Variants in POLR2E observed in about 807,000 individuals in gnomAD.
POLR2E encodes RNA polymerase II, I and III subunit E.
A neutral mutation model predicts 29.8 loss-of-function variants in POLR2E; 35 were observed. That is an observed-to-expected ratio of 1.17 (90% CI 0.90 to 1.55). The LOEUF is 1.55. Among genes scored for constraint, POLR2E ranks in the 40% most tolerant of loss-of-function variants. The probability of loss-of-function intolerance (pLI) is 0.00; values close to 1 mark genes in which losing one functional copy is unlikely to be tolerated. For synonymous variants in POLR2E, 174 were observed against 112.6 expected, an observed-to-expected ratio of 1.55 and a Z score of -3.45; for missense variants, 287 against 288.6, an observed-to-expected ratio of 0.99 and a Z score of 0.04.
intron 6 of POLR2E, 77 bp downstream of exon 6, chr19:1,089,807 G>A (rs932642300): frequency 1.9e-5 from 23 of 1,197,716 alleles, no homozygotes; most frequent in East Asian, 4.8e-5. Context: ...AGGGGCTGTC[G>A]GGGAGGGACA....
At chr19:1,092,654 C>T (rs2043862161) in intron 2 of POLR2E, among the ~76,000 whole-genome samples, 1 of 151,956 alleles carries the variant, frequency 6.6e-6, no homozygotes, top group African/African-American at 2.4e-5. Flanking sequence ...CGCCACTGCA[C>T]TCCAGCCTGG....
rs2043816675 is a variant in POLR2E, at chr19:1,091,003, C to G, written c.349-15G>C. On this transcript the variant is annotated splice_polypyrimidine_tract_variant and intron_variant, in intron 3 of 7. Coordinates refer to ENST00000615234, the MANE Select transcript of POLR2E (RefSeq NM_002695.5). ...TCGACCAGGGACTGGAAGAGAGCGG[C>G]TCTAAGGCACGGCCCGGAGGGGCCC... 1.2e-6 allele frequency: 2 copies of G among 1,612,492 alleles called. No homozygotes were observed. The highest frequency in any genetic ancestry group is 1.7e-6 in the Non-Finnish European group (2 of 1,179,322).
At chr19:1,090,307 A>C (rs773831512) in intron 4 of POLR2E, among the ~76,000 whole-genome samples, 162 bp from the exon 5 acceptor site, 2 of 141,710 alleles carry the variant, frequency 1.4e-5, no homozygotes, top group African/African-American at 5.1e-5. Flanking sequence ...CTGGCTCCAC[A>C]GGCGGGGGAC....
chr19:1,089,460 C>T lies in POLR2E; in HGVS notation c.*14+12G>A, dbSNP rs753744625. ...TGACCCCACCTCAGTGCCTGTCCCTCGGCCGTCTCACCTGTCAGGCGGTAG... is the reference window on the plus strand; with the variant it reads ...TGACCCCACCTCAGTGCCTGTCCCTTGGCCGTCTCACCTGTCAGGCGGTAG... On this transcript the variant is annotated intron_variant, in intron 7 of 7. Coordinates refer to ENST00000615234, the MANE Select transcript of POLR2E (RefSeq NM_002695.5). 38 of 1,594,170 alleles carry T rather than the reference C, an allele frequency of 2.4e-5. No homozygotes were observed. The highest frequency in any genetic ancestry group is 1.3e-4 in the East Asian group (6 of 44,722).
rs546472501 is a variant in POLR2E, at chr19:1,091,961, C to T, written c.233-54G>A. On this transcript the variant is annotated intron_variant, in intron 2 of 7. Coordinates refer to ENST00000615234, the MANE Select transcript of POLR2E (RefSeq NM_002695.5). ...CGAGCCTGGGCCCTCGTGGCCCTCG[C>T]CCACCCAGAGCCCAGAGCACCCAGG... The T allele has an allele frequency of 5.4e-6, 7 of 1,287,140 alleles. No homozygotes were observed. In the South Asian group the frequency reaches 7.1e-5, roughly 13 times the overall value. The allele number at this position is 1,287,140 out of a possible 1,614,324, so 79.7% of individuals were successfully genotyped here.
rs533403115 is a variant in POLR2E, at chr19:1,089,685, G to A, written c.568-134C>T. On this transcript the variant is annotated intron_variant, in intron 6 of 7. Coordinates refer to ENST00000615234, the MANE Select transcript of POLR2E (RefSeq NM_002695.5). ...TGGCTGACCCTGGGCTGTGGGACCC[G>A]CTCCCTGGGAACCTGGGTCACGCTC... The A allele has an allele frequency of 3.5e-4, 289 of 833,422 alleles. 5 individuals carry two copies. In the Admixed American group the frequency reaches 5.5e-3, roughly 16 times the overall value. The allele number at this position is 833,422 out of a possible 1,614,324, so 51.6% of individuals were successfully genotyped here. A position where few individuals can be genotyped will look rare whatever the true frequency, so the allele number is the denominator to read the frequency against.
chr19:1,093,984 C>T lies in POLR2E; in HGVS notation c.152G>A (p.Gly51Glu). The change falls in exon 2 of 8, where the codon GGG becomes GAG. Residue 51 changes from glycine (G) to glutamate (E), a missense_variant. Transcript: ENST00000615234. Reference protein sequence around the residue: ...KAQSGDKPSEGRPRRTDLTVL... With the variant: ...KAQSGDKPSEERPRRTDLTVL... Reference sequence around the variant, plus strand: ...GGTGAGGTCCGTGCGCCGCGGCCGCCCCTCACTCGGCTTGTCCCCAGATTG... The same window carrying T: ...GGTGAGGTCCGTGCGCCGCGGCCGCTCCTCACTCGGCTTGTCCCCAGATTG... The T allele has an allele frequency of 6.2e-7, 1 of 1,613,814 alleles. No homozygotes were observed. The highest frequency in any genetic ancestry group is 1.1e-5 in the South Asian group (1 of 91,070).
At position 1,093,879 on chromosome 19, in the gene POLR2E, A is replaced by G. The variant is rs756483511; in HGVS notation, c.232+25T>C. Reference sequence around the variant, plus strand: ...GCAGGTGCTCTGGTGGCTTCACCGGAACTCCCCCGGGACCCGCTGCTCACC... The same window carrying G: ...GCAGGTGCTCTGGTGGCTTCACCGGGACTCCCCCGGGACCCGCTGCTCACC... On this transcript the variant is annotated intron_variant, in intron 2 of 7. Transcript: ENST00000615234. 5 of 1,546,672 alleles carry G rather than the reference A, an allele frequency of 3.2e-6. No individual in the cohort carries two copies. In the East Asian group the frequency reaches 1.2e-4, roughly 37 times the overall value.
Position 1,094,089 on chromosome 19 carries a change from A to G in POLR2E, c.58-11T>C. On this transcript the variant is annotated splice_polypyrimidine_tract_variant and intron_variant, in intron 1 of 7. Transcript: ENST00000615234. ...ACGGTCGTGGCACAGCTGCAGAGAG[A>G]AAGAACCAGCTGACCCCAGGGCAGA... 1 of 1,602,230 alleles carries G rather than the reference A, an allele frequency of 6.2e-7. No individual in the cohort carries two copies. The highest frequency in any genetic ancestry group is 8.5e-7 in the Non-Finnish European group (1 of 1,174,498).
intron 1 of POLR2E, 160 bp downstream of exon 1, chr19:1,095,099 A>T: frequency 1.5e-6 from 1 of 668,650 alleles, no homozygotes; most frequent in Non-Finnish European, 2.5e-6. Context: ...GGTCGGGTCC[A>T]GCGCCTGGTA....
chr19:1,092,616 AGGCAGAGCTTGCAGTG>A (rs1033258210), intron 2 of POLR2E, among the ~76,000 whole-genome samples: 4 of 152,038 alleles, frequency 2.6e-5, no homozygotes, highest in African/African-American at 9.7e-5. Context: ...TGAACCCGGG[AGGCAGAGCTTGCAGTG>A]GGCAGAGATT....
chr19:1,090,207 G>C (rs1360336966), intron 4 of POLR2E, 62 bp from the exon 5 acceptor site: 4 of 1,428,494 alleles, frequency 2.8e-6, no homozygotes, highest in Non-Finnish European at 3.9e-6. Flanking sequence ...GTGGCTCCCA[G>C]GTGCCACCAC....
intron 1 of POLR2E, 112 bp downstream of exon 1, chr19:1,095,147 C>G: frequency 8.7e-7 from 1 of 1,146,590 alleles, no homozygotes; most frequent in South Asian, 1.3e-5. Flanking sequence ...TCGGCCCGGC[C>G]CTTCATCGCT....
chr19:1,089,977 C>G lies in POLR2E; in HGVS notation c.489-15G>C, dbSNP rs149520475. On this transcript the variant is annotated splice_polypyrimidine_tract_variant and intron_variant, in intron 5 of 7. Coordinates refer to ENST00000615234, the MANE Select transcript of POLR2E (RefSeq NM_002695.5). ...CTCGGAGCTTACTGCGAAGCACCGT[C>G]AGGAAAATGCCAGACAGGGCCGTTG... The G allele has an allele frequency of 1.8e-5, 29 of 1,603,470 alleles. No homozygotes were observed. The Admixed American group carries it at 4.6e-4, about 26-fold the overall frequency.
chr19:1,091,022 G>GGGGCCCAGAC (rs746824547), intron 3 of POLR2E, 34 bp from the exon 4 acceptor site: 2 of 1,599,036 alleles, frequency 1.3e-6, no homozygotes, highest in African/African-American at 2.7e-5. Context: ...ACGGCCCGGA[G>GGGGCCCAGAC]GGGCCCAGAC....
intron 2 of POLR2E, chr19:1,093,702 A>C: frequency 7.4e-7 from 1 of 1,358,202 alleles, no homozygotes; most frequent in Non-Finnish European, 9.5e-7. Context: ...ACTGAGAGGG[A>C]AACTAGAAAG....
In POLR2E at chr19:1,090,860, G is replaced by T. The variant is rs779937291; in HGVS notation, c.429+48C>A. 7.9e-6 allele frequency: 12 copies of T among 1,524,310 alleles called. No individual in the cohort carries two copies. The African/African-American group carries it at 1.4e-4, about 17-fold the overall frequency. 94.4% of individuals were successfully genotyped at this position (1,524,310 alleles called of 1,614,324 possible). A position where few individuals can be genotyped will look rare whatever the true frequency, so the allele number is the denominator to read the frequency against. ...ATCTTCCTGGCCACCCACAAACGCT[G>T]CATCTCTGCCGGCCCCACGCAGGCG... On this transcript the variant is annotated intron_variant, in intron 4 of 7. Coordinates refer to ENST00000615234, the MANE Select transcript of POLR2E (RefSeq NM_002695.5).
Position 1,087,917 on chromosome 19 carries a change from G to A in POLR2E, c.*818C>T, listed in dbSNP as rs924889827. 1 of 152,254 alleles carries A rather than the reference G, an allele frequency of 6.6e-6. No homozygotes were observed. Among genetic ancestry groups the A allele is most frequent in the African/African-American group, 2.4e-5 (1 of 41,396 alleles). 9.4% of individuals were successfully genotyped at this position (152,254 alleles called of 1,614,324 possible). A position where few individuals can be genotyped will look rare whatever the true frequency, so the allele number is the denominator to read the frequency against. ...GGGGAAGTAGAGCCAGATCCCAAAC[G>A]TCTGTAAGAGGAACTGGCCGCAAAC... On this transcript the variant is annotated 3_prime_UTR_variant, in exon 8 of 8. Transcript: ENST00000615234.
chr19:1,095,003 C>CTG, intron 1 of POLR2E: 3 of 476,392 alleles, frequency 6.3e-6, no homozygotes, highest in South Asian at 6.5e-5. Context: ...CCGCCACGCG[C>CTG]GCCGCACCAG....
Sources: allele counts gnomAD v4.1 joint callset (sites outside exome capture counted in the v4.1 genomes callset), GRCh38; gene constraint gnomAD v4.1.1; transcripts MANE v1.5; gene names NCBI Gene and HGNC (gene_info 2026-07-23, HGNC 2026-07-21).